The following CACNA2D3 variants were observed in gnomAD, a reference collection of about 807,000 sequenced individuals.
CACNA2D3 encodes voltage-dependent calcium channel subunit alpha-2/delta-3.
Under a neutral mutation model 160.6 loss-of-function variants are expected in CACNA2D3, and 60 were observed. The observed-to-expected ratio is 0.37, with a 90% CI of 0.30 to 0.46. The LOEUF (loss-of-function observed/expected upper bound fraction) is 0.46, where lower values mean the gene tolerates loss of function less well. CACNA2D3 is among the 20% of genes least tolerant of loss of function. The probability of loss-of-function intolerance (pLI) is 1.00; values close to 1 mark genes in which losing one functional copy is unlikely to be tolerated. For missense variants in CACNA2D3, 1,205 were observed against 1,365.0 expected (o/e 0.88, Z 1.85); for synonymous variants, 558 against 492.9 (o/e 1.13, Z -1.75).
At chr3:54,884,678 C>G (rs1383676096) in intron 21 of CACNA2D3, among the ~76,000 whole-genome samples, 2 of 152,168 alleles carry the variant, frequency 1.3e-5, no homozygotes, top group African/African-American at 4.8e-5. Flanking sequence ...CATGCAAGCC[C>G]CAGCTCCCCT....
chr3:54,715,849 G>C (rs1387041471), intron 11 of CACNA2D3, among the ~76,000 whole-genome samples: 1 of 152,298 alleles, frequency 6.6e-6, no homozygotes, highest in Non-Finnish European at 1.5e-5. Context: ...AACACAGAAA[G>C]ACAAATATGT....
intron 35 of CACNA2D3, among the ~76,000 whole-genome samples, chr3:55,029,602 G>A (rs943823865): frequency 6.6e-6 from 1 of 152,054 alleles, no homozygotes; most frequent in Admixed American, 6.5e-5. Flanking sequence ...GACTGTCCTC[G>A]ATAAAATAGC....
intron 2 of CACNA2D3, among the ~76,000 whole-genome samples, chr3:54,146,042 A>G (rs1700024348): frequency 6.6e-6 from 1 of 151,200 alleles, no homozygotes; most frequent in Non-Finnish European, 1.5e-5. Context: ...TCACTTCTAG[A>G]ATTTCTATTA....
At chr3:54,575,418 A>AT (rs1409927709) in intron 8 of CACNA2D3, among the ~76,000 whole-genome samples, 1 of 151,626 alleles carries the variant, frequency 6.6e-6, no homozygotes, top group Non-Finnish European at 1.5e-5. Flanking sequence ...TTCTGTGCCA[A>AT]TTTTTTTTCT....
chr3:54,962,509 A>G lies in CACNA2D3; in HGVS notation c.2450-5941A>G, dbSNP rs138580013. Among the ~76,000 whole-genome samples, 748 of 152,304 alleles carry G rather than the reference A, an allele frequency of 4.9e-3. 6 individuals carry two copies. The highest frequency in any genetic ancestry group is 0.017 in the African/African-American group (707 of 41,562). Reference sequence around the variant, plus strand: ...GATGACAACACTATCAACTAGTTAGAGTATTTTAATACCCGTGATTTTATT... The same window carrying G: ...GATGACAACACTATCAACTAGTTAGGGTATTTTAATACCCGTGATTTTATT... On this transcript the variant is annotated intron_variant, in intron 27 of 37. Coordinates refer to ENST00000474759, the MANE Select transcript of CACNA2D3 (RefSeq NM_018398.3).
intron 2 of CACNA2D3, among the ~76,000 whole-genome samples, chr3:54,245,224 T>TAAA (rs932166414): frequency 2.6e-5 from 4 of 151,874 alleles, no homozygotes; most frequent in Non-Finnish European, 5.9e-5. Context: ...ATTTTTTTTT[T>TAAA]AAAAAATTTA....
chr3:54,993,813 C>G (rs2107119110), intron 31 of CACNA2D3, among the ~76,000 whole-genome samples: 2 of 150,520 alleles, frequency 1.3e-5, no homozygotes, highest in Admixed American at 6.6e-5. Flanking sequence ...CCAGTAGTAC[C>G]TATCTTTCAT....
chr3:54,952,577 T>A (rs1440107958), intron 27 of CACNA2D3, among the ~76,000 whole-genome samples: 2 of 152,230 alleles, frequency 1.3e-5, no homozygotes, highest in East Asian at 3.8e-4. Context: ...GGTCATTAAA[T>A]GCATATTTTT....
At chr3:54,832,918 T>C (rs1204654078) in intron 14 of CACNA2D3, among the ~76,000 whole-genome samples, 1 of 152,188 alleles carries the variant, frequency 6.6e-6, no homozygotes, top group Admixed American at 6.5e-5. Flanking sequence ...TCACAAGTCC[T>C]GTGTTGTTAT....
intron 8 of CACNA2D3, among the ~76,000 whole-genome samples, chr3:54,570,626 A>G (rs148141734): frequency 1.0e-3 from 153 of 152,294 alleles, no homozygotes; most frequent in African/African-American, 2.8e-3. Context: ...CCTGCTTTTA[A>G]TAAATGCCTT....
At chr3:54,138,200 G>T (rs548415849) in intron 2 of CACNA2D3, among the ~76,000 whole-genome samples, 4 of 152,212 alleles carry the variant, frequency 2.6e-5, no homozygotes, top group Non-Finnish European at 4.4e-5. Flanking sequence ...CATGAAGCCT[G>T]GACTCTCAAC....
In CACNA2D3 at chr3:54,810,624, T is replaced by G. The variant is rs141673933; in HGVS notation, c.1381-6229T>G. Among the ~76,000 whole-genome samples, 30 of 152,322 alleles carry G rather than the reference T, an allele frequency of 2.0e-4. No individual in the cohort carries two copies. The East Asian group carries it at 5.8e-3, about 29-fold the overall frequency. ...GGAATAAAGATATGTAGGCCAGGCT[T>G]TTTTTGTTTTACACAGTTGGCAGGA... On this transcript the variant is annotated intron_variant, in intron 13 of 37. Coordinates refer to ENST00000474759, the MANE Select transcript of CACNA2D3 (RefSeq NM_018398.3).
intron 2 of CACNA2D3, among the ~76,000 whole-genome samples, chr3:54,223,577 G>A (rs747626116): frequency 4.6e-5 from 7 of 151,798 alleles, no homozygotes; most frequent in African/African-American, 4.8e-5. Flanking sequence ...TTTTTTGGCC[G>A]GGTGCGGTAA....
intron 13 of CACNA2D3, among the ~76,000 whole-genome samples, chr3:54,769,093 C>A (rs535091897): frequency 6.6e-6 from 1 of 152,050 alleles, no homozygotes; most frequent in African/African-American, 2.4e-5. Context: ...TGCCAGGACA[C>A]GAACAAACAA....
At chr3:54,557,606 G>A (rs893127003) in intron 5 of CACNA2D3, among the ~76,000 whole-genome samples, 2 of 152,158 alleles carry the variant, frequency 1.3e-5, no homozygotes, top group Non-Finnish European at 2.9e-5. Context: ...TTATGACGCC[G>A]ACATAATTGA....
intron 2 of CACNA2D3, among the ~76,000 whole-genome samples, chr3:54,276,217 G>A (rs762259630): frequency 4.6e-5 from 7 of 152,034 alleles, no homozygotes; most frequent in Non-Finnish European, 7.4e-5. Flanking sequence ...CAGTCAGCAG[G>A]GTTCACACTG....
At chr3:54,566,496 T>G (rs1469277712) in intron 6 of CACNA2D3, among the ~76,000 whole-genome samples, 1 of 152,170 alleles carries the variant, frequency 6.6e-6, no homozygotes, top group Admixed American at 6.5e-5. Context: ...CAGTGACTGA[T>G]CTATTCTTCC....
chr3:55,072,606 G>GGGTTCTAACCC (rs1704836156), intron 35 of CACNA2D3, among the ~76,000 whole-genome samples: 1 of 152,222 alleles, frequency 6.6e-6, no homozygotes, highest in Non-Finnish European at 1.5e-5. Context: ...TATGCGATAG[G>GGGTTCTAACCC]GGTTCTAACC....
At chr3:54,273,122 A>G (rs2107453306) in intron 2 of CACNA2D3, 1 of 152,394 alleles carries the variant, frequency 6.6e-6, no homozygotes, top group South Asian at 2.1e-4. Context: ...GGAGAAGGGA[A>G]GGTGGATTTT....
Sources: gnomAD v4.1 joint callset for allele counts (sites outside exome capture counted in the v4.1 genomes callset) on GRCh38, gnomAD v4.1.1 for gene constraint, MANE v1.5 for transcripts, NCBI Gene and HGNC (gene_info 2026-07-23, HGNC 2026-07-21) for gene names.